Variants in SORL1 observed in about 807,000 individuals in gnomAD.
The protein encoded by SORL1 is sortilin related receptor 1.
In SORL1, 127 loss-of-function variants were observed where a neutral mutation model predicts 273.7. The observed-to-expected ratio is 0.46, with a 90% CI of 0.40 to 0.54. SORL1 has a LOEUF of 0.54. SORL1 is among the 20% of genes least tolerant of loss of function. SORL1 has a pLI of 0.00. For synonymous variants in SORL1, 1,031 were observed against 1,067.4 expected, an observed-to-expected ratio of 0.97 and a Z score of 0.66; for missense variants, 2,494 against 2,846.1, an observed-to-expected ratio of 0.88 and a Z score of 2.81.
intron 25 of SORL1, among the ~76,000 whole-genome samples, chr11:121,580,520 C>CT (rs1174369708): frequency 1.4e-5 from 2 of 145,972 alleles, no homozygotes; most frequent in Non-Finnish European, 3.0e-5. Flanking sequence ...TTTCAGTGTT[C>CT]TTTTTTTAAT....
chr11:121,590,447 G>A (rs1048757896), intron 30 of SORL1: 3 of 497,492 alleles, frequency 6.0e-6, no homozygotes, highest in Admixed American at 3.7e-5. Context: ...AGTAGCATCT[G>A]CATCTCCTTG....
chr11:121,628,210 A>G (rs966154017), intron 47 of SORL1, among the ~76,000 whole-genome samples: 1 of 152,100 alleles, frequency 6.6e-6, no homozygotes, highest in Non-Finnish European at 1.5e-5. Flanking sequence ...GTGTAACCTC[A>G]CCAGCCATTC....
chr11:121,579,361 A>G (rs1463482390), intron 25 of SORL1, among the ~76,000 whole-genome samples: 1 of 152,228 alleles, frequency 6.6e-6, no homozygotes, highest in Non-Finnish European at 1.5e-5. Context: ...TACTAAATTA[A>G]GCTGCGTACA....
intron 20 of SORL1, among the ~76,000 whole-genome samples, chr11:121,559,122 G>A (rs999669554): frequency 1.3e-5 from 2 of 152,110 alleles, no homozygotes; most frequent in African/African-American, 4.8e-5. Flanking sequence ...ATTTCAGGGT[G>A]GTGTCTTCAT....
intron 25 of SORL1, among the ~76,000 whole-genome samples, chr11:121,582,780 G>A (rs1022270224): frequency 1.3e-5 from 2 of 152,164 alleles, no homozygotes; most frequent in African/African-American, 4.8e-5. Flanking sequence ...AAGTTCTTAG[G>A]CCTGCTTTCT....
At chr11:121,590,703 C>G in intron 30 of SORL1, 1 of 654,606 alleles carries the variant, frequency 1.5e-6, no homozygotes, top group Non-Finnish European at 2.8e-6. Flanking sequence ...CACCCTGTGC[C>G]TCCTCAGCCA....
Position 121,514,334 on chromosome 11 carries a change from T to G in SORL1, c.1211+13T>G. The G allele has an allele frequency of 6.2e-7, 1 of 1,606,564 alleles. No homozygotes were observed. On this transcript the variant is annotated intron_variant, in intron 8 of 47. Coordinates refer to ENST00000260197, the MANE Select transcript of SORL1 (RefSeq NM_003105.6). ...ACACCTTGGTGAGGTAAGGAGACTGTGAGTCCTTCTCCTGCCTTCTTAGGC... is the reference window on the plus strand; with the variant it reads ...ACACCTTGGTGAGGTAAGGAGACTGGGAGTCCTTCTCCTGCCTTCTTAGGC...
At chr11:121,511,708 G>A (rs796128361) in intron 6 of SORL1, among the ~76,000 whole-genome samples, 18 of 152,260 alleles carry the variant, frequency 1.2e-4, no homozygotes, top group African/African-American at 4.1e-4. Flanking sequence ...TTGTTCAGTG[G>A]TGATTTGAAT....
At chr11:121,475,850 C>G (rs1170708358) in intron 2 of SORL1, among the ~76,000 whole-genome samples, 1 of 152,278 alleles carries the variant, frequency 6.6e-6, no homozygotes, top group East Asian at 1.9e-4. Context: ...CTGATTCATT[C>G]AATTCATTCT....
In SORL1 at chr11:121,555,399, A is replaced by G. The variant is rs1373781273; in HGVS notation, c.2571+81A>G. On this transcript the variant is annotated intron_variant, in intron 18 of 47. Transcript: ENST00000260197. ...TTGAGCCACATTTGACACAGAGGCA[A>G]GGGCCAGTGTGTCAGATTACTCAGG... is the stretch of plus-strand genomic sequence containing the variant. 3.9e-6 allele frequency: 6 copies of G among 1,534,114 alleles called. No individual in the cohort carries two copies. The African/African-American group carries it at 8.2e-5, about 21-fold the overall frequency.
chr11:121,520,790 A>G lies in SORL1; in HGVS notation c.1345A>G (p.Thr449Ala), dbSNP rs765546458. 12 of 1,612,328 alleles carry G rather than the reference A, an allele frequency of 7.4e-6. No homozygotes were observed. Among genetic ancestry groups the G allele is most frequent in the Non-Finnish European group, 9.3e-6 (11 of 1,179,344 alleles). The change falls in exon 9 of 48, where the codon ACC becomes GCC. Residue 449 changes from threonine (T) to alanine (A), a missense_variant. Thr to Ala is a moderately conservative substitution (Grantham distance 58, BLOSUM62 0). Transcript: ENST00000260197. ...GGTCATCACCTTTGACAAAGGGGGA[A>G]CCTGGGAGTTTCTTCAGGCTCCAGC... ...RSVITFDKGG[T>A]WEFLQAPAFT...
chr11:121,612,605 C>A, intron 39 of SORL1, 131 bp from the exon 40 acceptor site: 1 of 637,504 alleles, frequency 1.6e-6, no homozygotes. Context: ...TTTTAAAAAA[C>A]AACCTGTTCA....
chr11:121,533,337 C>G (rs1394570244), intron 12 of SORL1, among the ~76,000 whole-genome samples: 2 of 152,054 alleles, frequency 1.3e-5, no homozygotes, highest in Admixed American at 6.6e-5. Context: ...AGTAACTTGC[C>G]CAGGGTCATT....
intron 42 of SORL1, among the ~76,000 whole-genome samples, chr11:121,619,425 T>C (rs1013172161): frequency 2.0e-5 from 3 of 152,210 alleles, no homozygotes; most frequent in African/African-American, 7.2e-5. Flanking sequence ...GCCAAGAGCA[T>C]AATATGTGTG....
intron 3 of SORL1, among the ~76,000 whole-genome samples, chr11:121,487,119 C>T (rs1253705828): frequency 1.3e-5 from 2 of 152,224 alleles, no homozygotes; most frequent in Admixed American, 6.5e-5. Flanking sequence ...ATCTCTCAGC[C>T]TGGAGAGGCA....
At chr11:121,503,133 G>A (rs1037617065) in intron 6 of SORL1, among the ~76,000 whole-genome samples, 1 of 152,152 alleles carries the variant, frequency 6.6e-6, no homozygotes, top group African/African-American at 2.4e-5. Flanking sequence ...GCCTCCCAAA[G>A]TGTTGGGATT....
intron 25 of SORL1, among the ~76,000 whole-genome samples, chr11:121,580,095 T>A (rs922942862): frequency 1.2e-4 from 18 of 152,222 alleles, no homozygotes; most frequent in African/African-American, 4.1e-4. Flanking sequence ...TTGCTCTTAG[T>A]TTTACCTACC....
At chr11:121,502,735 C>CT (rs1372615820) in intron 6 of SORL1, among the ~76,000 whole-genome samples, 3 of 151,924 alleles carry the variant, frequency 2.0e-5, no homozygotes, top group African/African-American at 7.3e-5. Flanking sequence ...AAATTGGGTT[C>CT]TTTTTTATTG....
intron 38 of SORL1, 193 bp from the exon 39 acceptor site, chr11:121,610,883 C>A: frequency 2.0e-6 from 1 of 512,168 alleles, no homozygotes; most frequent in Non-Finnish European, 3.5e-6. Context: ...TTGTGTTCAC[C>A]AAGCAACTGT....
Sources: allele counts gnomAD v4.1 joint callset (sites outside exome capture counted in the v4.1 genomes callset), GRCh38; gene constraint gnomAD v4.1.1; transcripts MANE v1.5; gene names NCBI Gene and HGNC (gene_info 2026-07-23, HGNC 2026-07-21).